The following CDH2 variants were observed in gnomAD, a reference collection of about 807,000 sequenced individuals.
The protein encoded by CDH2 is cadherin 2.
CDH2 carries 17 observed loss-of-function variants against 92.0 expected under a neutral mutation model. That is an observed-to-expected ratio of 0.18 (90% confidence interval 0.13 to 0.28). CDH2 has a LOEUF of 0.28. Ranked by LOEUF, CDH2 falls within the 10% of genes least tolerant of loss-of-function variation. The pLI, the probability that CDH2 is intolerant of heterozygous loss-of-function variation, is 1.00. For missense variants in CDH2, 862 were observed against 1,133.1 expected, an observed-to-expected ratio of 0.76 and a Z score of 3.44; for synonymous variants, 419 against 415.9, an observed-to-expected ratio of 1.01 and a Z score of -0.09.
chr18:27,992,890 G>A, intron 8 of CDH2, 50 bp from the exon 9 acceptor site: 1 of 1,436,382 alleles, frequency 7.0e-7, no homozygotes, highest in Non-Finnish European at 9.6e-7. Context: ...ACCACTGAAG[G>A]ACAACTTGTC....
At chr18:28,037,646 C>A (rs2013861792) in intron 2 of CDH2, among the ~76,000 whole-genome samples, 1 of 152,040 alleles carries the variant, frequency 6.6e-6, no homozygotes, top group African/African-American at 2.4e-5. Context: ...GCAAAGCTAA[C>A]CACTGCTTAA....
chr18:28,083,452 T>G (rs1288112587), intron 2 of CDH2, among the ~76,000 whole-genome samples: 1 of 152,140 alleles, frequency 6.6e-6, no homozygotes, highest in Non-Finnish European at 1.5e-5. Flanking sequence ...TAAAAATCTT[T>G]GAAGTACAAT....
chr18:28,052,139 G>A (rs1425058783), intron 2 of CDH2, among the ~76,000 whole-genome samples: 4 of 152,100 alleles, frequency 2.6e-5, no homozygotes, highest in African/African-American at 9.7e-5. Context: ...ATTTTACAAA[G>A]ACAATTCTTT....
At chr18:28,001,800 A>G (rs955727242) in intron 7 of CDH2, among the ~76,000 whole-genome samples, 16 of 152,236 alleles carry the variant, frequency 1.1e-4, no homozygotes, top group African/African-American at 3.1e-4. Flanking sequence ...CTCTAGCACT[A>G]TTTTGTGTGA....
intron 2 of CDH2, among the ~76,000 whole-genome samples, chr18:28,086,932 A>T (rs753793548): frequency 1.3e-5 from 2 of 152,312 alleles, no homozygotes; most frequent in Non-Finnish European, 2.9e-5. Context: ...GTTTTATAAC[A>T]CAATGCTCTC....
At chr18:28,137,739 T>C (rs2015887654) in intron 2 of CDH2, among the ~76,000 whole-genome samples, 1 of 152,130 alleles carries the variant, frequency 6.6e-6, no homozygotes, top group Non-Finnish European at 1.5e-5. Flanking sequence ...ATAGATGTTC[T>C]TTAATAAAAT....
chr18:28,031,639 G>T (rs1362531288), intron 2 of CDH2, among the ~76,000 whole-genome samples: 1 of 151,982 alleles, frequency 6.6e-6, no homozygotes, highest in Non-Finnish European at 1.5e-5. Context: ...TCAGGGCCTT[G>T]TTTGTATATT....
chr18:28,063,305 T>C (rs1030895909), intron 2 of CDH2, among the ~76,000 whole-genome samples: 6 of 152,126 alleles, frequency 3.9e-5, no homozygotes, highest in African/African-American at 1.4e-4. Flanking sequence ...AATTGGTGTT[T>C]AAAAACAAAA....
At chr18:28,007,165 A>AAAATAT (rs1172779200) in intron 5 of CDH2, among the ~76,000 whole-genome samples, 1,603 of 110,372 alleles carry the variant, frequency 0.015, 13 homozygotes, top group Non-Finnish European at 0.019. Context: ...ATAAAAAAAA[A>AAAATAT]ATATATATAT....
At chr18:28,061,465 A>G (rs1247190948) in intron 2 of CDH2, among the ~76,000 whole-genome samples, 1 of 152,148 alleles carries the variant, frequency 6.6e-6, no homozygotes, top group African/African-American at 2.4e-5. Flanking sequence ...CAACACGATG[A>G]AACCCCATCT....
chr18:28,036,072 G>C (rs536673047), intron 2 of CDH2, among the ~76,000 whole-genome samples: 1 of 152,198 alleles, frequency 6.6e-6, no homozygotes, highest in Admixed American at 6.6e-5. Flanking sequence ...ATGTTAATTT[G>C]CCTGCAGTTT....
At chr18:27,943,178 T>C (rs1179961328) in intron 6 of CDH2, among the ~76,000 whole-genome samples, 3 of 152,180 alleles carry the variant, frequency 2.0e-5, no homozygotes, top group Non-Finnish European at 4.4e-5. Flanking sequence ...GTTCAACTAA[T>C]ACACACGTGG....
intron 7 of CDH2, among the ~76,000 whole-genome samples, chr18:27,994,135 C>T (rs2012510138): frequency 6.6e-6 from 1 of 152,168 alleles, no homozygotes; most frequent in African/African-American, 2.4e-5. Flanking sequence ...AGGGTAGATG[C>T]AATATTTCCC....
intron 11 of CDH2, among the ~76,000 whole-genome samples, chr18:27,987,131 A>G (rs1270350367): frequency 6.6e-6 from 1 of 152,134 alleles, no homozygotes; most frequent in East Asian, 1.9e-4. Flanking sequence ...TCTGGTTGTA[A>G]CTCACAACCA....
At chr18:27,975,205 G>C (rs778999542) in intron 14 of CDH2, among the ~76,000 whole-genome samples, 1 of 152,146 alleles carries the variant, frequency 6.6e-6, no homozygotes, top group African/African-American at 2.4e-5. Flanking sequence ...ACAGACTTGA[G>C]TATGAGAAGA....
At chr18:27,942,876 C>A (rs1451089963) in intron 6 of CDH2, among the ~76,000 whole-genome samples, 2 of 152,052 alleles carry the variant, frequency 1.3e-5, no homozygotes, top group Non-Finnish European at 2.9e-5. Flanking sequence ...CCTGGAGAGA[C>A]TGATGAGTAA....
At chr18:27,983,287 T>G (rs184458950) in intron 13 of CDH2, among the ~76,000 whole-genome samples, 1 of 152,320 alleles carries the variant, frequency 6.6e-6, no homozygotes, top group Admixed American at 6.5e-5. Context: ...TATGAAGGCC[T>G]GGGCTCCCAT....
Position 27,987,176 on chromosome 18 carries a change from G to T in CDH2, c.1741+1348C>A, listed in dbSNP as rs923016287. ...CATACATACATACATATAATTTTAT[G>T]GCTCTTTAGATCTTAACATAATGAT... On this transcript the variant is annotated intron_variant, in intron 11 of 15. Coordinates refer to ENST00000269141, the MANE Select transcript of CDH2 (RefSeq NM_001792.5). 5.9e-5 allele frequency among the ~76,000 whole-genome samples: 9 copies of T among 152,024 alleles called. No homozygotes were observed. The South Asian group carries it at 1.7e-3, about 28-fold the overall frequency.
At chr18:27,958,242 T>C (rs1016553397) in intron 15 of CDH2, among the ~76,000 whole-genome samples, 2 of 152,064 alleles carry the variant, frequency 1.3e-5, no homozygotes, top group Non-Finnish European at 2.9e-5. Context: ...TAATGAGATA[T>C]TTTAAAAAAC....
Sources: allele counts gnomAD v4.1 joint callset (sites outside exome capture counted in the v4.1 genomes callset), GRCh38; gene constraint gnomAD v4.1.1; transcripts MANE v1.5; gene names NCBI Gene and HGNC (gene_info 2026-07-23, HGNC 2026-07-21).